Variants in PSMG2 observed in about 807,000 individuals in gnomAD.
The protein encoded by PSMG2 is proteasome assembly chaperone 2, also known as CD40 ligand-activated specific transcript 3.
A neutral mutation model predicts 31.5 loss-of-function variants in PSMG2; 21 were observed. The observed-to-expected ratio is 0.67, with a 90% CI of 0.47 to 0.96. The LOEUF (loss-of-function observed/expected upper bound fraction) is 0.96, where lower values mean the gene tolerates loss of function less well. PSMG2 is among the 40% of genes least tolerant of loss of function. The probability of loss-of-function intolerance (pLI) is 0.00; values close to 1 mark genes in which losing one functional copy is unlikely to be tolerated. For missense variants in PSMG2, 318 were observed against 321.2 expected (o/e 0.99, Z 0.08); for synonymous variants, 120 against 110.4 (o/e 1.09, Z -0.54).
At chr18:12,692,928 T>A (rs903528724) in intron 1 of PSMG2, among the ~76,000 whole-genome samples, 2 of 152,166 alleles carry the variant, frequency 1.3e-5, no homozygotes, top group African/African-American at 4.8e-5. Context: ...GCTTAAGCGA[T>A]CCTCCCACCT....
intron 3 of PSMG2, among the ~76,000 whole-genome samples, chr18:12,717,443 C>T (rs978772084): frequency 6.6e-6 from 1 of 152,206 alleles, no homozygotes; most frequent in Non-Finnish European, 1.5e-5. Context: ...AATGTCTTGC[C>T]ACACCTACTT....
intron 3 of PSMG2, among the ~76,000 whole-genome samples, chr18:12,716,019 C>T (rs1354679099): frequency 6.6e-6 from 1 of 152,204 alleles, no homozygotes; most frequent in Admixed American, 6.5e-5. Context: ...CAGCATCTAG[C>T]TTCCTTTCTT....
At chr18:12,714,015 G>T (rs2040355128) in intron 3 of PSMG2, among the ~76,000 whole-genome samples, 1 of 152,106 alleles carries the variant, frequency 6.6e-6, no homozygotes, top group Non-Finnish European at 1.5e-5. Context: ...CCTTTCAAAT[G>T]CTGGGATTAC....
At chr18:12,689,633 ACTT>A (rs1265694079) in intron 1 of PSMG2, among the ~76,000 whole-genome samples, 2 of 152,146 alleles carry the variant, frequency 1.3e-5, no homozygotes, top group African/African-American at 2.4e-5. Flanking sequence ...GTGCATTTCA[ACTT>A]CTTCCTCCTC....
At chr18:12,716,947 A>G (rs140301285) in intron 3 of PSMG2, among the ~76,000 whole-genome samples, 1 of 110,078 alleles carries the variant, frequency 9.1e-6, no homozygotes, top group Non-Finnish European at 1.9e-5. Flanking sequence ...TTTTTCTTTT[A>G]CTTTTTTTTT....
rs533613069 is a variant in PSMG2 at position 12,711,528 on chromosome 18, T to A, written c.230-1174T>A. On this transcript the variant is annotated intron_variant, in intron 2 of 6. Coordinates refer to ENST00000317615, the MANE Select transcript of PSMG2 (RefSeq NM_020232.5). Reference sequence around the variant, plus strand: ...CTTCCTTTGGACTGAACATACCTGGTGCTTGCTAGATTTGCTGAGTTCAGC... The same window carrying A: ...CTTCCTTTGGACTGAACATACCTGGAGCTTGCTAGATTTGCTGAGTTCAGC... Among the ~76,000 whole-genome samples the A allele has an allele frequency of 2.0e-5, 3 of 152,278 alleles. No homozygotes were observed. In the East Asian group the frequency reaches 5.8e-4, roughly 29 times the overall value.
At chr18:12,672,234 C>T (rs2038967163) in intron 1 of PSMG2, among the ~76,000 whole-genome samples, 1 of 151,630 alleles carries the variant, frequency 6.6e-6, no homozygotes, top group Non-Finnish European at 1.5e-5. Context: ...CCTGCCTCAG[C>T]CTCCTGAGTA....
intron 5 of PSMG2, among the ~76,000 whole-genome samples, chr18:12,723,006 C>T (rs1033890046): frequency 5.3e-5 from 8 of 152,200 alleles, no homozygotes; most frequent in African/African-American, 1.9e-4. Context: ...AGATTGAGAG[C>T]CCCTAAGGTG....
intron 2 of PSMG2, among the ~76,000 whole-genome samples, chr18:12,712,329 CAAAG>C (rs1400796682): frequency 6.6e-6 from 1 of 151,892 alleles, no homozygotes; most frequent in Non-Finnish European, 1.5e-5. Flanking sequence ...TCTCTGGAGA[CAAAG>C]AGGGGAGAAT....
rs555112579 is a variant in PSMG2 at position 12,665,921 on chromosome 18, G to C, written c.-37+7148G>C. On this transcript the variant is annotated intron_variant, in intron 1 of 6. Transcript: ENST00000585331. ...CATGTTGGCCAGGCTGGTCTTGAAC[G>C]CCTGACCCCGTGATCTGCCCACCCT... Among the ~76,000 whole-genome samples the C allele has an allele frequency of 2.3e-3, 351 of 152,100 alleles. 3 individuals are homozygous for C. The highest frequency in any genetic ancestry group is 0.014 in the South Asian group (69 of 4,822).
rs147078037 is a variant in PSMG2 at position 12,659,886 on chromosome 18, C to T, written c.-37+1113C>T. On this transcript the variant is annotated intron_variant, in intron 1 of 6. Coordinates refer to the PSMG2 transcript ENST00000585331. The stretch of plus-strand genomic sequence containing the variant: ...TGACACTATATACATATAAATATAT[C>T]TCTGTCCTCTTGATTAAAAACAGAC... 1.8e-3 allele frequency among the ~76,000 whole-genome samples: 273 copies of T among 152,276 alleles called. 1 individual carries two copies. The highest frequency in any genetic ancestry group is 6.4e-3 in the African/African-American group (264 of 41,558).
intron 1 of PSMG2, among the ~76,000 whole-genome samples, chr18:12,680,105 A>G (rs2039293022): frequency 6.6e-6 from 1 of 152,020 alleles, no homozygotes; most frequent in Non-Finnish European, 1.5e-5. Flanking sequence ...ATACAAAACT[A>G]GTAAACATAA....
intron 3 of PSMG2, among the ~76,000 whole-genome samples, chr18:12,715,918 A>G (rs2040371891): frequency 6.6e-6 from 1 of 152,126 alleles, no homozygotes; most frequent in Non-Finnish European, 1.5e-5. Flanking sequence ...CAGCTTTCAG[A>G]TCAAGACATA....
upstream of PSMG2, chr18:12,703,006 C>G (rs965313389): frequency 1.5e-6 from 2 of 1,371,404 alleles, no homozygotes; most frequent in Non-Finnish European, 2.0e-6. Flanking sequence ...AAAGGACCCT[C>G]CCGCGCCCCG....
intron 1 of PSMG2, among the ~76,000 whole-genome samples, chr18:12,670,020 AAAAG>A (rs2038903710): frequency 6.6e-6 from 1 of 150,996 alleles, no homozygotes; most frequent in Non-Finnish European, 1.5e-5. Context: ...AAGAAAAAGA[AAAAG>A]AAAAATTATT....
At chr18:12,699,951 A>G (rs941832667), upstream of PSMG2, 3 of 1,302,524 alleles carry the variant, frequency 2.3e-6, no homozygotes, top group African/African-American at 1.5e-5. Context: ...GAAAACAATT[A>G]TAGGTTAAGG....
intron 1 of PSMG2, chr18:12,680,844 A>G (rs2039321828): frequency 1.9e-6 from 3 of 1,592,332 alleles, no homozygotes; most frequent in African/African-American, 2.7e-5. Context: ...AGATAAATTA[A>G]AATGAAGTAT....
At chr18:12,678,139 C>G in intron 1 of PSMG2, 1 of 1,613,386 alleles carries the variant, frequency 6.2e-7, no homozygotes, top group Non-Finnish European at 8.5e-7. Flanking sequence ...GGAGCCTCAG[C>G]TGCATTTCAA....
chr18:12,664,700 T>C (rs2038770343), intron 1 of PSMG2, among the ~76,000 whole-genome samples: 1 of 143,904 alleles, frequency 6.9e-6, no homozygotes, highest in Non-Finnish European at 1.5e-5. Context: ...GTCCTGATCT[T>C]TTTTTTTTTT....
Sources: allele counts gnomAD v4.1 joint callset (sites outside exome capture counted in the v4.1 genomes callset), GRCh38; gene constraint gnomAD v4.1.1; transcripts MANE v1.5; gene names NCBI Gene and HGNC (gene_info 2026-07-23, HGNC 2026-07-21).